Variants in RANBP17 observed in about 807,000 individuals in gnomAD.
RANBP17 encodes RAN binding protein 17.
In RANBP17, 158 loss-of-function variants were observed where a neutral mutation model predicts 141.2. The ratio of observed to expected loss-of-function variants is 1.12; its 90% CI spans 0.98 to 1.28. The LOEUF is 1.28. Ranked by LOEUF, RANBP17 falls within the 50% of genes most tolerant of loss-of-function variation. RANBP17 has a pLI of 0.00. For missense variants in RANBP17, 1,438 were observed against 1,290.7 expected (o/e 1.11, Z -1.75); for synonymous variants, 430 against 450.0 (o/e 0.96, Z 0.56).
chr5:171,032,393 G>C (rs1486419863), intron 14 of RANBP17, among the ~76,000 whole-genome samples: 1 of 152,116 alleles, frequency 6.6e-6, no homozygotes, highest in African/African-American at 2.4e-5. Context: ...GGAATAAAGA[G>C]GACAGGGAGT....
chr5:171,082,897 A>T (rs1785346838), intron 14 of RANBP17, among the ~76,000 whole-genome samples: 5 of 151,660 alleles, frequency 3.3e-5, no homozygotes, highest in Admixed American at 2.0e-4. Context: ...AAAAAAAAAA[A>T]AGGAACAGCT....
intron 12 of RANBP17, among the ~76,000 whole-genome samples, chr5:170,932,041 A>G (rs1159013709): frequency 2.0e-5 from 3 of 152,336 alleles, no homozygotes; most frequent in Non-Finnish European, 2.9e-5. Context: ...ATCCATGAGC[A>G]TGGAATGTTC....
At chr5:171,026,021 C>T (rs1383779205) in intron 14 of RANBP17, among the ~76,000 whole-genome samples, 2 of 152,108 alleles carry the variant, frequency 1.3e-5, no homozygotes, top group African/African-American at 2.4e-5. Flanking sequence ...GCCATTGCAT[C>T]GACAGCACCA....
chr5:171,097,655 A>G (rs1448652341), intron 14 of RANBP17, among the ~76,000 whole-genome samples: 2 of 135,250 alleles, frequency 1.5e-5, no homozygotes, highest in Non-Finnish European at 3.2e-5. Context: ...TTATTATTAT[A>G]CTTTAAGTTC....
In RANBP17 at chr5:170,961,190, GATAGATT is replaced by G. The variant is rs372480766; in HGVS notation, c.1575-7044_1575-7038del. On this transcript the variant is annotated intron_variant, in intron 13 of 27. Coordinates refer to ENST00000523189, the MANE Select transcript of RANBP17 (RefSeq NM_022897.5). ...CAGCTGCTTCTTTTATCTTCCTCTTGATAGATTATAGATTTCTAGAGGACTGGGGATA... is the reference window on the plus strand; with the variant it reads ...CAGCTGCTTCTTTTATCTTCCTCTTGATAGATTTCTAGAGGACTGGGGATA... Among the ~76,000 whole-genome samples, 559 of 152,264 alleles carry G rather than the reference GATAGATT, an allele frequency of 3.7e-3. 2 individuals are homozygous for G. The highest frequency in any genetic ancestry group is 0.013 in the African/African-American group (522 of 41,550).
intron 1 of RANBP17, among the ~76,000 whole-genome samples, chr5:170,862,404 G>A (rs1392564770): frequency 6.6e-6 from 1 of 152,206 alleles, no homozygotes; most frequent in Non-Finnish European, 1.5e-5. Flanking sequence ...AGTCCCAGCT[G>A]GGCCGGCTTT....
chr5:171,289,881 T>C (rs1409799134), intron 25 of RANBP17, among the ~76,000 whole-genome samples: 1 of 150,826 alleles, frequency 6.6e-6, no homozygotes, highest in Non-Finnish European at 1.5e-5. Context: ...AATACAAAAA[T>C]TAGCCAGGTG....
intron 14 of RANBP17, among the ~76,000 whole-genome samples, chr5:171,000,568 ACGCATCCGTGTCATG>A (rs1779130592): frequency 6.6e-6 from 1 of 152,172 alleles, no homozygotes; most frequent in African/African-American, 2.4e-5. Flanking sequence ...ACTGTGTCAC[ACGCATCCGTGTCATG>A]CGCGTCCGTG....
At chr5:171,076,122 T>G (rs937278903) in intron 14 of RANBP17, among the ~76,000 whole-genome samples, 2 of 152,194 alleles carry the variant, frequency 1.3e-5, no homozygotes, top group Admixed American at 6.5e-5. Flanking sequence ...TTGAAACAGT[T>G]AATTTGACTC....
At chr5:171,009,966 T>A (rs1176497639) in intron 14 of RANBP17, among the ~76,000 whole-genome samples, 1 of 152,132 alleles carries the variant, frequency 6.6e-6, no homozygotes, top group Non-Finnish European at 1.5e-5. Context: ...GTTTATGCAG[T>A]ATATGGGAAT....
At chr5:170,890,809 G>A (rs1769531415) in intron 3 of RANBP17, among the ~76,000 whole-genome samples, 1 of 152,140 alleles carries the variant, frequency 6.6e-6, no homozygotes, top group South Asian at 2.1e-4. Flanking sequence ...TTACAAGCTT[G>A]ACTTTACTAT....
intron 14 of RANBP17, among the ~76,000 whole-genome samples, chr5:171,088,511 C>G (rs1005425818): frequency 1.3e-5 from 2 of 152,138 alleles, no homozygotes; most frequent in African/African-American, 4.8e-5. Flanking sequence ...TGTTGGCCTG[C>G]CTTGCTAGAT....
chr5:170,937,601 A>T (rs991612626), intron 12 of RANBP17, among the ~76,000 whole-genome samples: 2 of 152,244 alleles, frequency 1.3e-5, no homozygotes, highest in Non-Finnish European at 2.9e-5. Context: ...TTGCAACAAC[A>T]TGCTAGAGTA....
Position 171,299,681 on chromosome 5 carries a change from G to T in RANBP17, c.*823G>T, listed in dbSNP as rs1204354156. 1.8e-5 allele frequency: 4 copies of T among 228,180 alleles called. No individual in the cohort carries two copies. In the East Asian group the frequency reaches 2.5e-4, roughly 14 times the overall value. The allele number at this position is 228,180 out of a possible 1,614,324, so 14.1% of individuals were successfully genotyped here. On this transcript the variant is annotated 3_prime_UTR_variant, in exon 28 of 28. Transcript: ENST00000523189. ...TTTGAAGCAGCTCTGCCTTCTTAGG[G>T]CTACCCAAAACAGTTCTAGGTGCTA...
intron 22 of RANBP17, among the ~76,000 whole-genome samples, chr5:171,229,072 A>G (rs1322087287): frequency 2.6e-5 from 4 of 152,350 alleles, no homozygotes; most frequent in African/African-American, 7.2e-5. Flanking sequence ...GAAGATAGCT[A>G]AATAATTCAT....
chr5:171,277,296 G>C (rs1049025635), intron 25 of RANBP17, among the ~76,000 whole-genome samples: 1 of 151,720 alleles, frequency 6.6e-6, no homozygotes, highest in African/African-American at 2.4e-5. Context: ...TGCATCACAC[G>C]AAGCTAGCCT....
chr5:170,932,634 G>C lies in RANBP17; in HGVS notation c.1468+8084G>C, dbSNP rs547301322. On this transcript the variant is annotated intron_variant, in intron 12 of 27. Transcript: ENST00000523189. ...TTAGCATGAAGGGCTGTTGAATTTT[G>C]TCAAAGGCCTTTTCTGCATCTATTG... 3.3e-5 allele frequency among the ~76,000 whole-genome samples: 5 copies of C among 152,136 alleles called. No homozygotes were observed. In the South Asian group the frequency reaches 6.2e-4, roughly 19 times the overall value.
chr5:171,299,071 A>T lies in RANBP17; in HGVS notation c.*213A>T. The T allele has an allele frequency of 4.4e-6, 2 of 452,824 alleles. No individual in the cohort carries two copies. The highest frequency in any genetic ancestry group is 7.9e-6 in the Non-Finnish European group (2 of 252,330). 28.1% of individuals were successfully genotyped at this position (452,824 alleles called of 1,614,324 possible). A position where few individuals can be genotyped will look rare whatever the true frequency, so the allele number is the denominator to read the frequency against. On this transcript the variant is annotated 3_prime_UTR_variant, in exon 28 of 28. Coordinates refer to ENST00000523189, the MANE Select transcript of RANBP17 (RefSeq NM_022897.5). ...CAGTCTTTTCTCTGAAAAGCAAAGG[A>T]TGTGTTTTCAGTCTTTCTATCAAAT...
At chr5:171,166,452 T>A (rs1458937028) in intron 14 of RANBP17, among the ~76,000 whole-genome samples, 1 of 152,022 alleles carries the variant, frequency 6.6e-6, no homozygotes, top group African/African-American at 2.4e-5. Flanking sequence ...TTTCTTGCAT[T>A]CCTATGTAAC....
Sources: gnomAD v4.1 joint callset for allele counts (sites outside exome capture counted in the v4.1 genomes callset) on GRCh38, gnomAD v4.1.1 for gene constraint, MANE v1.5 for transcripts, NCBI Gene and HGNC (gene_info 2026-07-23, HGNC 2026-07-21) for gene names.